Variants in DLGAP1 observed in about 807,000 individuals in gnomAD.
DLGAP1 encodes the protein DLG associated protein 1.
Under a neutral mutation model 90.8 loss-of-function variants are expected in DLGAP1, and 11 were observed. The observed-to-expected ratio is 0.12, with a 90% CI of 0.08 to 0.20. The LOEUF (loss-of-function observed/expected upper bound fraction) is 0.20. Ranked by LOEUF, DLGAP1 falls within the 10% of genes least tolerant of loss-of-function variation. The pLI, the probability that DLGAP1 is intolerant of heterozygous loss-of-function variation, is 1.00. For missense variants in DLGAP1, 1,050 were observed against 1,333.8 expected (o/e 0.79, Z 3.31); for synonymous variants, 558 against 540.7 (o/e 1.03, Z -0.44).
intron 7 of DLGAP1, among the ~76,000 whole-genome samples, chr18:3,614,742 G>A (rs907319441): frequency 2.0e-5 from 3 of 147,830 alleles, no homozygotes; most frequent in East Asian, 4.1e-4. Flanking sequence ...TCCCAGTTTC[G>A]GGAGCCTGAG....
intron 1 of DLGAP1, among the ~76,000 whole-genome samples, chr18:4,218,114 T>TA (rs2077996090): frequency 6.9e-6 from 1 of 145,700 alleles, no homozygotes; most frequent in African/African-American, 2.5e-5. Context: ...CTGTTAGAAT[T>TA]TTTTTTTTTT....
chr18:3,597,780 C>T lies in DLGAP1; in HGVS notation c.1592-15532G>A, dbSNP rs972444455. 1.9e-5 allele frequency: 3 copies of T among 157,142 alleles called. No homozygotes were observed. The Admixed American group carries it at 1.9e-4, about 10-fold the overall frequency. 9.7% of individuals were successfully genotyped at this position (157,142 alleles called of 1,614,324 possible). Reference sequence around the variant, plus strand: ...GTGAAGAAGAAAGAAAATGCATCCACCGTTCCTTCCTGTTGGTGTCAGCAC... The same window carrying T: ...GTGAAGAAGAAAGAAAATGCATCCATCGTTCCTTCCTGTTGGTGTCAGCAC... On this transcript the variant is annotated intron_variant, in intron 7 of 12. Coordinates refer to ENST00000315677, the MANE Select transcript of DLGAP1 (RefSeq NM_004746.4).
intron 1 of DLGAP1, among the ~76,000 whole-genome samples, chr18:4,263,008 G>C (rs2079033419): frequency 6.6e-6 from 1 of 151,978 alleles, no homozygotes; most frequent in Non-Finnish European, 1.5e-5. Flanking sequence ...TTTCGGCTCA[G>C]TGTAATCTCT....
chr18:4,173,705 C>T (rs1283018451), intron 1 of DLGAP1, among the ~76,000 whole-genome samples: 1 of 152,166 alleles, frequency 6.6e-6, no homozygotes, highest in African/African-American at 2.4e-5. Flanking sequence ...CATATGAATC[C>T]AGCCAGACTC....
intron 1 of DLGAP1, among the ~76,000 whole-genome samples, chr18:4,444,311 A>G (rs967113422): frequency 2.0e-5 from 3 of 152,216 alleles, no homozygotes; most frequent in Admixed American, 6.5e-5. Context: ...GTTGCTATAG[A>G]TGCACTGAAT....
intron 2 of DLGAP1, among the ~76,000 whole-genome samples, chr18:4,130,390 G>C (rs900913678): frequency 6.6e-6 from 1 of 152,188 alleles, no homozygotes; most frequent in Non-Finnish European, 1.5e-5. Flanking sequence ...ATTAGTAAGT[G>C]AATGTGTAAG....
intron 1 of DLGAP1, among the ~76,000 whole-genome samples, chr18:4,425,779 C>G (rs753259489): frequency 1.5e-4 from 23 of 152,126 alleles, no homozygotes; most frequent in Non-Finnish European, 2.8e-4. Context: ...GAGGACAACC[C>G]TTCTCCCTAC....
At chr18:4,012,218 T>C (rs566652505) in intron 2 of DLGAP1, among the ~76,000 whole-genome samples, 45 of 152,282 alleles carry the variant, frequency 3.0e-4, no homozygotes, top group Middle Eastern at 3.4e-3. Context: ...CAGAATATTC[T>C]AGTTAGTGAA....
chr18:3,551,156 T>TACATATATATATATATATATATAC (rs1316249564), intron 9 of DLGAP1, among the ~76,000 whole-genome samples: 1 of 149,666 alleles, frequency 6.7e-6, no homozygotes, highest in African/African-American at 2.5e-5. Flanking sequence ...TAATATTATA[T>TACATATATATATATATATATATAC]ACATATATAT....
intron 9 of DLGAP1, among the ~76,000 whole-genome samples, chr18:3,559,493 T>C (rs117881198): frequency 1.1e-3 from 167 of 152,304 alleles, no homozygotes; most frequent in Middle Eastern, 3.4e-3. Flanking sequence ...AATAGTTTTC[T>C]ATTGAGCATT....
Position 3,498,381 on chromosome 18 carries a change from C to T in DLGAP1, c.*804G>A, listed in dbSNP as rs1765982879. Reference sequence around the variant, plus strand: ...AAATCCCTTATGTAGTATACTAAACCATCAGTGCCTCCTTTGCCTTGCTTC... The same window carrying T: ...AAATCCCTTATGTAGTATACTAAACTATCAGTGCCTCCTTTGCCTTGCTTC... On this transcript the variant is annotated 3_prime_UTR_variant, in exon 13 of 13. Coordinates refer to ENST00000315677, the MANE Select transcript of DLGAP1 (RefSeq NM_004746.4). 1.3e-5 allele frequency: 2 copies of T among 152,176 alleles called. No homozygotes were observed. Among genetic ancestry groups the T allele is most frequent in the African/African-American group, 4.8e-5 (2 of 41,440 alleles). The allele number at this position is 152,176 out of a possible 1,614,324, so 9.4% of individuals were successfully genotyped here.
chr18:4,270,128 T>C (rs8090389), intron 1 of DLGAP1, among the ~76,000 whole-genome samples: 1,692 of 152,298 alleles, frequency 0.011, 37 homozygotes, highest in African/African-American at 0.038. Context: ...TCTCTCTCAT[T>C]CTCTGAGAAA....
chr18:3,799,541 A>C (rs1009288873), intron 5 of DLGAP1, among the ~76,000 whole-genome samples: 4 of 151,102 alleles, frequency 2.6e-5, no homozygotes, highest in Non-Finnish European at 4.4e-5. Flanking sequence ...AAACATTGTT[A>C]ATATTTTAAA....
intron 1 of DLGAP1, among the ~76,000 whole-genome samples, chr18:4,262,578 C>T (rs2079023670): frequency 6.6e-6 from 1 of 152,146 alleles, no homozygotes; most frequent in Admixed American, 6.5e-5. Flanking sequence ...GGTCATTGTT[C>T]AAATGACTCC....
chr18:3,782,337 A>G (rs2065238824), intron 5 of DLGAP1, among the ~76,000 whole-genome samples: 1 of 152,124 alleles, frequency 6.6e-6, no homozygotes, highest in African/African-American at 2.4e-5. Context: ...GGGTTTCACC[A>G]TGTTGGTCAG....
intron 1 of DLGAP1, among the ~76,000 whole-genome samples, chr18:4,261,569 G>A (rs549264184): frequency 3.2e-4 from 49 of 151,950 alleles, no homozygotes; most frequent in Admixed American, 1.2e-3. Flanking sequence ...ACCCCCCTTC[G>A]TCCCTATTCC....
At chr18:4,219,498 A>T (rs560966313) in intron 1 of DLGAP1, among the ~76,000 whole-genome samples, 1 of 151,936 alleles carries the variant, frequency 6.6e-6, no homozygotes, top group Admixed American at 6.6e-5. Flanking sequence ...CTATTTGTTT[A>T]TTTTTTATTT....
At chr18:4,297,747 C>CCT (rs150369573) in intron 1 of DLGAP1, among the ~76,000 whole-genome samples, 9 of 151,620 alleles carry the variant, frequency 5.9e-5, no homozygotes, top group African/African-American at 1.9e-4. Context: ...ATTAATTTCT[C>CCT]CTCTCTCTCT....
intron 2 of DLGAP1, among the ~76,000 whole-genome samples, chr18:4,118,251 C>T (rs1015525330): frequency 6.6e-6 from 1 of 152,120 alleles, no homozygotes; most frequent in African/African-American, 2.4e-5. Flanking sequence ...GTTCTTCGTC[C>T]CTGAGATCTG....
Sources: gnomAD v4.1 joint callset for allele counts (sites outside exome capture counted in the v4.1 genomes callset) on GRCh38, gnomAD v4.1.1 for gene constraint, MANE v1.5 for transcripts, NCBI Gene and HGNC (gene_info 2026-07-23, HGNC 2026-07-21) for gene names.